Variants in RECK observed in about 807,000 individuals in gnomAD.
RECK encodes reversion-inducing cysteine-rich protein with Kazal motifs.
Under a neutral mutation model 115.1 loss-of-function variants are expected in RECK, and 69 were observed. The ratio of observed to expected loss-of-function variants is 0.60; its 90% CI spans 0.49 to 0.73. RECK has a LOEUF of 0.73. RECK is among the 30% of genes least tolerant of loss of function. RECK has a pLI of 0.00. For missense variants in RECK, 1,047 were observed against 1,203.7 expected (o/e 0.87, Z 1.93); for synonymous variants, 414 against 419.7 (o/e 0.99, Z 0.17).
In RECK at chr9:36,117,014, C is replaced by T. The variant is rs753579915; in HGVS notation, c.2090C>T (p.Thr697Met). 77 of 1,612,534 alleles carry T rather than the reference C, an allele frequency of 4.8e-5. No homozygotes were observed. The highest frequency in any genetic ancestry group is 5.6e-5 in the Non-Finnish European group (66 of 1,179,004). The change falls in exon 17 of 21, where the codon ACG becomes ATG. Residue 697 changes from threonine (T) to methionine (M), a missense_variant. Physicochemically the swap from Thr to Met is moderately conservative, Grantham distance 81. Coordinates refer to ENST00000377966, the MANE Select transcript of RECK (RefSeq NM_021111.3). ...ATACCCAAACCACAGGTCTGCCTGA[C>T]GACTTTTGATAAATTTGGATGTAGC... Reference protein sequence around the residue: ...RCIPKPQVCLTTFDKFGCSQY... With the variant: ...RCIPKPQVCLMTFDKFGCSQY...
intron 6 of RECK, chr9:36,066,875 G>A (rs1274600133): frequency 1.0e-5 from 13 of 1,275,876 alleles, no homozygotes; most frequent in Non-Finnish European, 1.3e-5. Flanking sequence ...GGAAAGGTAA[G>A]AGAGACAAAC....
Position 36,036,953 on chromosome 9 carries a change from A to G in RECK, c.-46A>G, listed in dbSNP as rs977116441. ...GTAGCGGCGGCAGCGGCTGCGGCCA[A>G]GCTGGGTCCGAGCATCCCGCGGCTC... On this transcript the variant is annotated 5_prime_UTR_variant, in exon 1 of 21. Transcript: ENST00000377966. The G allele has an allele frequency of 9.2e-6, 12 of 1,297,354 alleles. No individual in the cohort carries two copies. The highest frequency in any genetic ancestry group is 1.6e-5 in the African/African-American group (1 of 64,114). The allele number at this position is 1,297,354 out of a possible 1,614,324, so 80.4% of individuals were successfully genotyped here.
intron 4 of RECK, among the ~76,000 whole-genome samples, chr9:36,061,437 C>CACAG (rs1445280737): frequency 3.5e-4 from 53 of 149,988 alleles, no homozygotes; most frequent in Non-Finnish European, 6.8e-4. Context: ...CACACACACA[C>CACAG]AGTTGCTAAC....
At chr9:36,073,241 G>GACACACACAGACAC (rs1554705384) in intron 6 of RECK, among the ~76,000 whole-genome samples, 2 of 67,498 alleles carry the variant, frequency 3.0e-5, no homozygotes, top group African/African-American at 9.1e-5. Context: ...GACACACACA[G>GACACACACAGACAC]ACACACACAC....
intron 16 of RECK, among the ~76,000 whole-genome samples, chr9:36,114,366 C>A (rs1214902333): frequency 6.6e-6 from 1 of 152,242 alleles, no homozygotes; most frequent in Non-Finnish European, 1.5e-5. Flanking sequence ...TTGTGTACCA[C>A]TTTCCATCTA....
chr9:36,091,036 T>C, intron 9 of RECK, 128 bp from the exon 10 acceptor site: 1 of 702,628 alleles, frequency 1.4e-6, no homozygotes, highest in Non-Finnish European at 2.2e-6. Context: ...GAAATAGTCA[T>C]TTGGTTTTTT....
rs1820690432 is a variant in RECK at position 36,037,077 on chromosome 9, G to C, written c.79G>C (p.Gly27Arg). The change falls in exon 1 of 21, where the codon GGC becomes CGC. Residue 27 changes from glycine to arginine, a missense_variant. Gly to Arg is a moderately radical substitution (Grantham distance 125). Transcript: ENST00000377966. ...GGCGGGGGTCGCGGAGGTGGCAGGG[G>C]GCCTGGCTCCGGGCAGTGCGGGTGA... ...AVAGVAEVAGGLAPGSAGALC... is the reference protein window; with the variant it reads ...AVAGVAEVAGRLAPGSAGALC... 7.3e-7 allele frequency: 1 copy of C among 1,378,906 alleles called. No individual in the cohort carries two copies. Among genetic ancestry groups the C allele is most frequent in the South Asian group, 1.6e-5 (1 of 60,964 alleles). The allele number at this position is 1,378,906 out of a possible 1,614,324, so 85.4% of individuals were successfully genotyped here.
rs1186582258 is a variant in RECK at position 36,121,572 on chromosome 9, C to A, written c.2578C>A (p.Gln860Lys). 1 of 1,614,068 alleles carries A rather than the reference C, an allele frequency of 6.2e-7. No homozygotes were observed. The highest frequency in any genetic ancestry group is 1.1e-5 in the South Asian group (1 of 91,068). ...KKPITVLEIL[Q>K]KIRMHVSVPQ... ...GCCAATAACAGTTCTGGAAATACTTCAGAAAATCCGCATGCACGTGTCTGT... is the reference window on the plus strand; with the variant it reads ...GCCAATAACAGTTCTGGAAATACTTAAGAAAATCCGCATGCACGTGTCTGT... The change falls in exon 20 of 21, where the codon CAG becomes AAG. Residue 860 changes from glutamine to lysine, a missense_variant. Gln to Lys is a moderately conservative substitution (Grantham distance 53). Coordinates refer to ENST00000377966, the MANE Select transcript of RECK (RefSeq NM_021111.3).
intron 7 of RECK, 101 bp downstream of exon 7, chr9:36,080,739 G>A (rs1822651463): frequency 2.8e-5 from 28 of 1,004,734 alleles, no homozygotes; most frequent in Non-Finnish European, 4.2e-5. Context: ...TTCCCATGGT[G>A]TATTTAGGTC....
chr9:36,110,886 G>A (rs191941698), intron 15 of RECK, among the ~76,000 whole-genome samples: 1 of 152,066 alleles, frequency 6.6e-6, no homozygotes, highest in African/African-American at 2.4e-5. Flanking sequence ...AATAAAAAGG[G>A]GATCAGAAAT....
At chr9:36,081,032 T>C (rs1822664976) in intron 7 of RECK, among the ~76,000 whole-genome samples, 1 of 152,160 alleles carries the variant, frequency 6.6e-6, no homozygotes, top group Admixed American at 6.5e-5. Flanking sequence ...ATAGTGTCAC[T>C]GGATAAAGTG....
rs770447200 is a variant in RECK, at chr9:36,121,702, ATGT to A, written c.2694+18_2694+20del. The A allele has an allele frequency of 6.2e-7, 1 of 1,611,358 alleles. No individual in the cohort carries two copies. Among genetic ancestry groups the A allele is most frequent in the East Asian group, 2.2e-5 (1 of 44,814 alleles). ...AAAGCTCTGCAGGTGAGTTCAGCACATGTTGTGAAGCCATCTTGTCACTTTCAA... is the reference window on the plus strand; with the variant it reads ...AAAGCTCTGCAGGTGAGTTCAGCACATGTGAAGCCATCTTGTCACTTTCAA... On this transcript the variant is annotated intron_variant, in intron 20 of 20. Transcript: ENST00000377966.
chr9:36,075,728 A>G (rs1564114807), intron 6 of RECK, among the ~76,000 whole-genome samples: 1 of 152,214 alleles, frequency 6.6e-6, no homozygotes, highest in East Asian at 1.9e-4. Context: ...TGAAAAGGAA[A>G]CAGATTTTTA....
At chr9:36,117,303 C>G in intron 17 of RECK, 126 bp downstream of exon 17, 2 of 681,692 alleles carry the variant, frequency 2.9e-6, no homozygotes, top group Non-Finnish European at 4.8e-6. Context: ...CTATAGCACC[C>G]AGTCCTCCAC....
At chr9:36,042,534 T>C (rs1031304525) in intron 1 of RECK, among the ~76,000 whole-genome samples, 12 of 152,146 alleles carry the variant, frequency 7.9e-5, no homozygotes, top group Middle Eastern at 3.2e-3. Flanking sequence ...AATTGCTAAT[T>C]GTGCTGCTAC....
At chr9:36,090,906 T>C (rs748142750) in intron 9 of RECK, among the ~76,000 whole-genome samples, 13 of 152,196 alleles carry the variant, frequency 8.5e-5, no homozygotes, top group Admixed American at 7.2e-4. Flanking sequence ...AATACTGTAA[T>C]TGAACATTAA....
chr9:36,103,980 A>C (rs144372280), intron 12 of RECK, among the ~76,000 whole-genome samples: 18 of 152,212 alleles, frequency 1.2e-4, no homozygotes, highest in African/African-American at 4.3e-4. Flanking sequence ...GAAGGAAACT[A>C]TATCAATGGG....
chr9:36,104,872 T>A (rs1019780995), intron 12 of RECK, among the ~76,000 whole-genome samples: 7 of 152,218 alleles, frequency 4.6e-5, no homozygotes, highest in Admixed American at 2.6e-4. Context: ...GAGACTTGTC[T>A]ATTTTGTTCA....
intron 16 of RECK, among the ~76,000 whole-genome samples, chr9:36,113,195 G>A (rs976276458): frequency 6.6e-6 from 1 of 152,224 alleles, no homozygotes; most frequent in African/African-American, 2.4e-5. Context: ...CTGACCCTTA[G>A]GTTACAGCCT....
Sources: gnomAD v4.1 joint callset for allele counts (sites outside exome capture counted in the v4.1 genomes callset) on GRCh38, gnomAD v4.1.1 for gene constraint, MANE v1.5 for transcripts, NCBI Gene and HGNC (gene_info 2026-07-23, HGNC 2026-07-21) for gene names.